The following ADAM32 variants were observed in gnomAD, a reference collection of about 807,000 sequenced individuals.
ADAM32 encodes the protein disintegrin and metalloproteinase domain-containing protein 32.
Under a neutral mutation model 114.9 loss-of-function variants are expected in ADAM32, and 89 were observed. The ratio of observed to expected loss-of-function variants is 0.77; its 90% confidence interval spans 0.65 to 0.92. The LOEUF is 0.92. ADAM32 is among the 40% of genes least tolerant of loss of function. ADAM32 has a pLI of 0.00. For synonymous variants in ADAM32, 285 were observed against 307.5 expected (o/e 0.93, Z 0.77); for missense variants, 870 against 932.8 (o/e 0.93, Z 0.88).
At chr8:39,231,967 A>G in intron 14 of ADAM32, 60 bp from the exon 15 acceptor site, 3 of 1,299,356 alleles carry the variant, frequency 2.3e-6, no homozygotes, top group Non-Finnish European at 3.3e-6. Flanking sequence ...ATATGAAGAA[A>G]TGGAGGAAGA....
intron 1 of ADAM32, among the ~76,000 whole-genome samples, chr8:39,115,028 T>A (rs1338925260): frequency 6.6e-6 from 1 of 152,252 alleles, no homozygotes; most frequent in Non-Finnish European, 1.5e-5. Flanking sequence ...GCTGCAACCA[T>A]GTGGCTGCAA....
intron 12 of ADAM32, among the ~76,000 whole-genome samples, chr8:39,214,580 G>T (rs1808441312): frequency 6.6e-6 from 1 of 151,954 alleles, no homozygotes; most frequent in Non-Finnish European, 1.5e-5. Context: ...TTTATGTTCT[G>T]GATATTAATC....
intron 2 of ADAM32, among the ~76,000 whole-genome samples, chr8:39,118,368 G>A (rs532942798): frequency 8.6e-5 from 13 of 151,650 alleles, no homozygotes; most frequent in African/African-American, 3.1e-4. Flanking sequence ...ATTTTCTTAT[G>A]GTAAATTATT....
At chr8:39,107,706 G>A (rs1159563263), upstream of ADAM32, 4 of 1,547,348 alleles carry the variant, frequency 2.6e-6, no homozygotes. Flanking sequence ...CCCGGCGTCC[G>A]CGCGTCCCCG....
intron 11 of ADAM32, among the ~76,000 whole-genome samples, chr8:39,188,947 T>C (rs1211183187): frequency 6.6e-6 from 1 of 152,178 alleles, no homozygotes; most frequent in East Asian, 1.9e-4. Flanking sequence ...ATTAGTTACA[T>C]ATTTCAATTT....
At chr8:39,161,083 A>G in intron 7 of ADAM32, 118 bp downstream of exon 7, 1 of 916,946 alleles carries the variant, frequency 1.1e-6, no homozygotes, top group African/African-American at 1.7e-5. Context: ...CATAGAGACA[A>G]TAGTGGAAAA....
At chr8:39,219,138 A>G (rs1260409184) in intron 12 of ADAM32, among the ~76,000 whole-genome samples, 1 of 152,054 alleles carries the variant, frequency 6.6e-6, no homozygotes, top group African/African-American at 2.4e-5. Flanking sequence ...CCAAGATGCA[A>G]GACAAAGTCT....
intron 14 of ADAM32, among the ~76,000 whole-genome samples, chr8:39,230,705 A>G (rs1271116736): frequency 6.6e-6 from 1 of 152,176 alleles, no homozygotes; most frequent in African/African-American, 2.4e-5. Flanking sequence ...GAAAGGGATA[A>G]GATGAGGGGA....
rs542959734 is a variant in ADAM32, at chr8:39,118,394, A to G, written c.138+229A>G. On this transcript the variant is annotated intron_variant, in intron 2 of 24. Coordinates refer to ENST00000379907, the MANE Select transcript of ADAM32 (RefSeq NM_145004.7). ...GTAAATTATTTTTAAAAGTTTACAT[A>G]TAGAAGAGAATGTAGAATTAAGTGT... is the stretch of plus-strand genomic sequence containing the variant. Among the ~76,000 whole-genome samples the G allele has an allele frequency of 1.4e-4, 21 of 152,256 alleles. No individual in the cohort carries two copies. The South Asian group carries it at 3.9e-3, about 28-fold the overall frequency.
chr8:39,202,078 T>C (rs1016403685), intron 11 of ADAM32, among the ~76,000 whole-genome samples: 4 of 152,166 alleles, frequency 2.6e-5, no homozygotes, highest in Non-Finnish European at 4.4e-5. Context: ...GGATATTGGT[T>C]TAAAATTCTC....
At chr8:39,187,121 C>T (rs1806291722) in intron 11 of ADAM32, 76 bp downstream of exon 11, 4 of 1,384,826 alleles carry the variant, frequency 2.9e-6, no homozygotes, top group Non-Finnish European at 1.9e-6. Flanking sequence ...TTAGTATTTA[C>T]TTAAAGCACA....
chr8:39,199,632 A>G (rs1239109165), intron 11 of ADAM32, among the ~76,000 whole-genome samples: 7 of 151,908 alleles, frequency 4.6e-5, no homozygotes, highest in Non-Finnish European at 1.0e-4. Flanking sequence ...TTAACTTTTT[A>G]AAATTATACC....
At chr8:39,187,294 T>A (rs189240154) in intron 11 of ADAM32, among the ~76,000 whole-genome samples, 5 of 152,274 alleles carry the variant, frequency 3.3e-5, no homozygotes, top group Admixed American at 3.3e-4. Flanking sequence ...TTTTTTGAGA[T>A]GGAGTCTCGC....
intron 12 of ADAM32, among the ~76,000 whole-genome samples, chr8:39,216,707 A>G (rs567375749): frequency 3.3e-5 from 5 of 152,206 alleles, no homozygotes; most frequent in East Asian, 3.9e-4. Flanking sequence ...GTGCACAAAC[A>G]AACAAGCAAA....
intron 2 of ADAM32, among the ~76,000 whole-genome samples, chr8:39,132,226 T>C (rs1802509955): frequency 6.6e-6 from 1 of 152,246 alleles, no homozygotes; most frequent in Non-Finnish European, 1.5e-5. Context: ...AGATAGATTG[T>C]ACCAATCTAT....
chr8:39,187,830 TG>T lies in ADAM32; in HGVS notation c.1052+786del, dbSNP rs577036050. ...ATGCCTATTCTTTTATTTCACAGGG[TG>T]ATGTAAGAATAAAAGAAAAAATGAA... On this transcript the variant is annotated intron_variant, in intron 11 of 24. Transcript: ENST00000379907. Among the ~76,000 whole-genome samples the T allele has an allele frequency of 1.7e-3, 257 of 152,248 alleles. 1 individual carries two copies. Among genetic ancestry groups the T allele is most frequent in the African/African-American group, 5.8e-3 (240 of 41,548 alleles).
intron 11 of ADAM32, among the ~76,000 whole-genome samples, chr8:39,206,464 G>A (rs1417828163): frequency 6.6e-6 from 1 of 152,222 alleles, no homozygotes; most frequent in Non-Finnish European, 1.5e-5. Context: ...GGTGGGGCAA[G>A]CTTGTCCTCA....
chr8:39,182,182 G>A (rs886101302), intron 10 of ADAM32, among the ~76,000 whole-genome samples: 6 of 152,078 alleles, frequency 3.9e-5, no homozygotes, highest in African/African-American at 9.7e-5. Context: ...TTACAAAGGC[G>A]ACACTGTAGT....
At chr8:39,216,315 G>A (rs953414869) in intron 12 of ADAM32, among the ~76,000 whole-genome samples, 1 of 151,908 alleles carries the variant, frequency 6.6e-6, no homozygotes, top group African/African-American at 2.4e-5. Context: ...TTTATTGTAA[G>A]CAACAGATCA....
Sources: gnomAD v4.1 joint callset for allele counts (sites outside exome capture counted in the v4.1 genomes callset) on GRCh38, gnomAD v4.1.1 for gene constraint, MANE v1.5 for transcripts, NCBI Gene and HGNC (gene_info 2026-07-23, HGNC 2026-07-21) for gene names.